SIGLEC6: variants seen among roughly 807,000 people sequenced by gnomAD.
SIGLEC6 encodes the protein sialic acid-binding Ig-like lectin 6.
Under a neutral mutation model 41.4 loss-of-function variants are expected in SIGLEC6, and 31 were observed. The observed-to-expected ratio is 0.75, with a 90% CI of 0.56 to 1.01. SIGLEC6 has a LOEUF of 1.01. Ranked by LOEUF, SIGLEC6 falls within the 50% of genes least tolerant of loss-of-function variation. The pLI, the probability that SIGLEC6 is intolerant of heterozygous loss-of-function variation, is 0.00. For synonymous variants in SIGLEC6, 217 were observed against 231.0 expected (o/e 0.94, Z 0.55); for missense variants, 555 against 558.6 (o/e 0.99, Z 0.06).
At chr19:51,529,044 T>A (rs1053102304) in intron 5 of SIGLEC6, among the ~76,000 whole-genome samples, 6 of 141,758 alleles carry the variant, frequency 4.2e-5, no homozygotes, top group African/African-American at 1.3e-4. Flanking sequence ...CAGACGCACA[T>A]GTGGACACAG....
At chr19:51,520,520 C>G (rs1052201209) in intron 7 of SIGLEC6, among the ~76,000 whole-genome samples, 1 of 151,988 alleles carries the variant, frequency 6.6e-6, no homozygotes, top group South Asian at 2.1e-4. Context: ...TCCTGTGTAG[C>G]TGGGACTACA....
At chr19:51,528,698 G>A (rs1022483985) in intron 5 of SIGLEC6, among the ~76,000 whole-genome samples, 39 of 152,188 alleles carry the variant, frequency 2.6e-4, no homozygotes, top group Middle Eastern at 3.4e-3. Flanking sequence ...AGGGGAAAAT[G>A]TGGGTCGGGT....
rs1990684725 is a variant in SIGLEC6 at position 51,518,560 on chromosome 19, G to A, written c.*1522C>T. The stretch of plus-strand genomic sequence containing the variant: ...TCACCATGTTGGCCAGACCAGTCTC[G>A]AACTCCTGACCTCCAGTGATCCACC... On this transcript the variant is annotated 3_prime_UTR_variant, in exon 8 of 8. Transcript: ENST00000425629. 6.6e-6 allele frequency among the ~76,000 whole-genome samples: 1 copy of A among 152,150 alleles called. No individual in the cohort carries two copies. Among genetic ancestry groups the A allele is most frequent in the Admixed American group, 6.5e-5 (1 of 15,278 alleles).
intron 7 of SIGLEC6, among the ~76,000 whole-genome samples, chr19:51,527,161 G>A (rs1355967495): frequency 6.6e-6 from 1 of 152,190 alleles, no homozygotes; most frequent in African/African-American, 2.4e-5. Flanking sequence ...CCTCTCTAGA[G>A]AGGTCAGCAT....
In SIGLEC6 at chr19:51,518,150, T is replaced by C. The variant is rs897965958; in HGVS notation, c.*1932A>G. Among the ~76,000 whole-genome samples the C allele has an allele frequency of 9.9e-5, 15 of 152,210 alleles. No homozygotes were observed. The highest frequency in any genetic ancestry group is 5.9e-4 in the Admixed American group (9 of 15,286). On this transcript the variant is annotated 3_prime_UTR_variant, in exon 8 of 8. Transcript: ENST00000425629. ...CTTTTCTTTATTAACACTCACATAT[T>C]TTGGTTTTCCTTAAAATATCTATAT...
At chr19:51,527,602 T>C in intron 7 of SIGLEC6, 145 bp downstream of exon 7, 1 of 663,232 alleles carries the variant, frequency 1.5e-6, no homozygotes, top group Non-Finnish European at 2.6e-6. Flanking sequence ...ACTTTTTAAA[T>C]TATTACTGAG....
Position 51,518,425 on chromosome 19 carries a change from C to T in SIGLEC6, c.*1657G>A, listed in dbSNP as rs1385192045. Among the ~76,000 whole-genome samples the T allele has an allele frequency of 6.6e-6, 1 of 152,184 alleles. No individual in the cohort carries two copies. Among genetic ancestry groups the T allele is most frequent in the African/African-American group, 2.4e-5 (1 of 41,448 alleles). ...TGCAATCTCAGCTCACTTCAACCTC[C>T]ACCTCCCAGGTTCAAGCAATTCTCC... On this transcript the variant is annotated 3_prime_UTR_variant, in exon 8 of 8. Transcript: ENST00000425629.
rs553383394 is a variant in SIGLEC6, at chr19:51,518,559, C to G, written c.*1523G>C. 3.3e-5 allele frequency among the ~76,000 whole-genome samples: 5 copies of G among 152,184 alleles called. No individual in the cohort carries two copies. Among genetic ancestry groups the G allele is most frequent in the African/African-American group, 1.2e-4 (5 of 41,452 alleles). On this transcript the variant is annotated 3_prime_UTR_variant, in exon 8 of 8. Coordinates refer to ENST00000425629, the MANE Select transcript of SIGLEC6 (RefSeq NM_001245.7). ...TTCACCATGTTGGCCAGACCAGTCT[C>G]GAACTCCTGACCTCCAGTGATCCAC... is the stretch of plus-strand genomic sequence containing the variant.
rs560524569 is a variant in SIGLEC6, at chr19:51,530,259, G to C, written c.754+178C>G. ...GAAAACAAGCAAGAGAGAAGAGGGA[G>C]TGCGAGGGGTGTGGCAGCTCCTGCC... is the stretch of plus-strand genomic sequence containing the variant. On this transcript the variant is annotated intron_variant, in intron 4 of 7. Coordinates refer to ENST00000425629, the MANE Select transcript of SIGLEC6 (RefSeq NM_001245.7). 1.3e-3 allele frequency among the ~76,000 whole-genome samples: 191 copies of C among 152,352 alleles called. 1 individual carries two copies. Among genetic ancestry groups the C allele is most frequent in the African/African-American group, 4.5e-3 (188 of 41,584 alleles).
intron 4 of SIGLEC6, 67 bp from the exon 5 acceptor site, chr19:51,530,048 T>A: frequency 6.7e-7 from 1 of 1,502,388 alleles, no homozygotes; most frequent in Non-Finnish European, 8.9e-7. Context: ...GTCCCTCTCC[T>A]CCTGTGGGGT....
intron 3 of SIGLEC6, 43 bp from the exon 4 acceptor site, chr19:51,530,527 G>A: frequency 6.2e-7 from 1 of 1,613,332 alleles, no homozygotes; most frequent in Non-Finnish European, 8.5e-7. Flanking sequence ...CCTGAGGAGG[G>A]ATGGTAGGCA....
At chr19:51,531,040 C>A (rs1600049463) in intron 2 of SIGLEC6, 81 bp from the exon 3 acceptor site, 1 of 1,577,792 alleles carries the variant, frequency 6.3e-7, no homozygotes, top group Non-Finnish European at 8.5e-7. Context: ...TGGTCCAGCT[C>A]CTTCTCTGAG....
chr19:51,531,369 T>C lies in SIGLEC6; in HGVS notation c.218A>G (p.Asp73Gly), dbSNP rs766501910. ...TGGGTCGTTTGTGGCCACTGGAACA[T>C]CAGCCCCTTCCAGGAACCAGTAGCC... ...GYGYWFLEGADVPVATNDPDE... is the reference protein window; with the variant it reads ...GYGYWFLEGAGVPVATNDPDE... The change falls in exon 2 of 8, where the codon GAT (aspartate) becomes GGT (glycine). Residue 73 changes from aspartate (D) to glycine (G), a missense_variant. Physicochemically the swap from Asp to Gly is moderately conservative, Grantham distance 94. Coordinates refer to ENST00000425629, the MANE Select transcript of SIGLEC6 (RefSeq NM_001245.7). The C allele has an allele frequency of 6.2e-7, 1 of 1,614,134 alleles. No individual in the cohort carries two copies. The highest frequency in any genetic ancestry group is 8.5e-7 in the Non-Finnish European group (1 of 1,180,004).
rs76755967 is a variant in SIGLEC6 at position 51,528,705 on chromosome 19, G to A, written c.1013-452C>T. 4.8e-3 allele frequency among the ~76,000 whole-genome samples: 730 copies of A among 152,094 alleles called. 7 individuals carry two copies. Among genetic ancestry groups the A allele is most frequent in the African/African-American group, 0.017 (699 of 41,476 alleles). The stretch of plus-strand genomic sequence containing the variant: ...TTATAAAAAGGGGAAAATGTGGGTC[G>A]GGTGCAGTGGTTCACACCTGTAATC... On this transcript the variant is annotated intron_variant, in intron 5 of 7. Transcript: ENST00000425629.
rs985680637 is a variant in SIGLEC6 at position 51,528,411 on chromosome 19, C to T, written c.1013-158G>A. The T allele has an allele frequency of 4.7e-6, 3 of 642,510 alleles. No individual in the cohort carries two copies. The African/African-American group carries it at 5.4e-5, about 12-fold the overall frequency. 39.8% of individuals were successfully genotyped at this position (642,510 alleles called of 1,614,324 possible). On this transcript the variant is annotated intron_variant, in intron 5 of 7. Transcript: ENST00000425629. ...AACCCGGAACCAGCCTCTTCTCTCTCCATGACTCCCCCTTCCCCCAACTGC... is the reference window on the plus strand; with the variant it reads ...AACCCGGAACCAGCCTCTTCTCTCTTCATGACTCCCCCTTCCCCCAACTGC...
chr19:51,531,110 A>G (rs1458224367), intron 2 of SIGLEC6, 50 bp downstream of exon 2: 3 of 1,554,122 alleles, frequency 1.9e-6, no homozygotes, highest in Non-Finnish European at 2.6e-6. Flanking sequence ...GCCCTGCCCT[A>G]CGGCCCCCAT....
chr19:51,531,491 C>G lies in SIGLEC6; in HGVS notation c.96G>C (p.Gln32His), dbSNP rs755442656. 12 of 1,613,842 alleles carry G rather than the reference C, an allele frequency of 7.4e-6. No individual in the cohort carries two copies. The highest frequency in any genetic ancestry group is 9.3e-6 in the Non-Finnish European group (11 of 1,179,846). The change falls in exon 2 of 8, where the codon CAG becomes CAC. Residue 32 changes from glutamine (Q) to histidine (H), a missense_variant. Physicochemically the swap from Gln to His is conservative, Grantham distance 24. Transcript: ENST00000425629. ...CCGTCAGTGACTCTGGCCCCTCCAG[C>G]TGGAATCTCCGCTCCTGAGCCAGGG... The part of the protein sequence containing the change: ...AGALAQERRF[Q>H]LEGPESLTVQ...
Position 51,530,487 on chromosome 19 carries a change from G to C in SIGLEC6, c.707-3C>G, listed in dbSNP as rs770353267. 1 of 1,614,122 alleles carries C rather than the reference G, an allele frequency of 6.2e-7. No individual in the cohort carries two copies. Among genetic ancestry groups the C allele is most frequent in the South Asian group, 1.1e-5 (1 of 91,088 alleles). ...GATGGCCACTTTCTGTGGAGCATCT[G>C]GGGTGGAAAGAGGTGGCCGCCTCAA... On this transcript the variant is annotated splice_region_variant and splice_polypyrimidine_tract_variant and intron_variant, in intron 3 of 7. Transcript: ENST00000425629.
At chr19:51,528,705 G>T (rs76755967) in intron 5 of SIGLEC6, among the ~76,000 whole-genome samples, 2 of 151,982 alleles carry the variant, frequency 1.3e-5, no homozygotes, top group South Asian at 4.1e-4. Flanking sequence ...AATGTGGGTC[G>T]GGTGCAGTGG....
Sources: allele counts gnomAD v4.1 joint callset (sites outside exome capture counted in the v4.1 genomes callset), GRCh38; gene constraint gnomAD v4.1.1; transcripts MANE v1.5; gene names NCBI Gene and HGNC (gene_info 2026-07-23, HGNC 2026-07-21).